The following FGD4 variants were observed in gnomAD, a reference collection of about 807,000 sequenced individuals.
FGD4 encodes the protein FYVE, RhoGEF and PH domain containing 4.
In FGD4, 42 loss-of-function variants were observed where a neutral mutation model predicts 102.0. The observed-to-expected ratio is 0.41, with a 90% CI of 0.32 to 0.53. The LOEUF is 0.53. Among genes scored for constraint, FGD4 ranks in the 20% least tolerant of loss-of-function variants. The probability of loss-of-function intolerance (pLI) is 0.21; values close to 1 mark genes in which losing one functional copy is unlikely to be tolerated. For missense variants in FGD4, 902 were observed against 1,078.2 expected (o/e 0.84, Z 2.29); for synonymous variants, 380 against 375.7 (o/e 1.01, Z -0.13).
At chr12:32,430,599 T>G (rs1591885520) in intron 1 of FGD4, among the ~76,000 whole-genome samples, 1 of 150,048 alleles carries the variant, frequency 6.7e-6, no homozygotes, top group Admixed American at 6.7e-5. Flanking sequence ...TTAAAAAAAC[T>G]GTAATGGATG....
intron 2 of FGD4, among the ~76,000 whole-genome samples, chr12:32,572,492 A>G (rs950663243): frequency 1.1e-4 from 17 of 152,178 alleles, no homozygotes; most frequent in African/African-American, 3.4e-4. Flanking sequence ...AAGGGAAAAA[A>G]ATCTAAATAA....
intron 1 of FGD4, among the ~76,000 whole-genome samples, chr12:32,472,792 C>T (rs1225294320): frequency 1.3e-5 from 2 of 152,230 alleles, no homozygotes; most frequent in Admixed American, 6.5e-5. Flanking sequence ...TTATATCTAG[C>T]TCAGGGATTG....
intron 1 of FGD4, among the ~76,000 whole-genome samples, chr12:32,554,700 C>T (rs779368864): frequency 1.3e-5 from 2 of 152,200 alleles, no homozygotes; most frequent in Non-Finnish European, 2.9e-5. Flanking sequence ...ATAGTGTGGT[C>T]AGGGTAGTCC....
chr12:32,631,028 A>G (rs1357335350), intron 14 of FGD4, among the ~76,000 whole-genome samples: 1 of 151,796 alleles, frequency 6.6e-6, no homozygotes, highest in Non-Finnish European at 1.5e-5. Context: ...TAAAAACATA[A>G]TTTTTCTGGT....
At chr12:32,634,392 A>G (rs1021444301) in intron 15 of FGD4, among the ~76,000 whole-genome samples, 4 of 152,210 alleles carry the variant, frequency 2.6e-5, no homozygotes, top group East Asian at 1.9e-4. Flanking sequence ...CTAGTTTACT[A>G]TAGTCATTTA....
intron 14 of FGD4, among the ~76,000 whole-genome samples, chr12:32,630,999 A>T (rs2136998142): frequency 6.6e-6 from 1 of 152,244 alleles, no homozygotes; most frequent in South Asian, 2.1e-4. Flanking sequence ...AAATAAAAAA[A>T]AAATTATATA....
At chr12:32,625,158 C>A in intron 13 of FGD4, 90 bp downstream of exon 13, 1 of 1,128,926 alleles carries the variant, frequency 8.9e-7, no homozygotes, top group Non-Finnish European at 1.3e-6. Flanking sequence ...CCAACCTTTT[C>A]CCTTTACAAT....
chr12:32,448,382 C>T (rs1206468039), intron 1 of FGD4, among the ~76,000 whole-genome samples: 4 of 151,866 alleles, frequency 2.6e-5, no homozygotes, highest in African/African-American at 4.8e-5. Context: ...CTTGGCTGGG[C>T]GCGGGTAGCT....
chr12:32,549,071 G>A (rs1943451437), intron 1 of FGD4, among the ~76,000 whole-genome samples: 1 of 152,224 alleles, frequency 6.6e-6, no homozygotes. Flanking sequence ...ACAATAATAT[G>A]TGGTGAAAAG....
At chr12:32,484,280 C>T (rs928464374) in intron 1 of FGD4, among the ~76,000 whole-genome samples, 2 of 152,170 alleles carry the variant, frequency 1.3e-5, no homozygotes, top group Admixed American at 1.3e-4. Context: ...CTTGTTGGTT[C>T]ATAAGCTGCA....
At chr12:32,509,369 A>G (rs1010394628) in intron 1 of FGD4, among the ~76,000 whole-genome samples, 1 of 152,024 alleles carries the variant, frequency 6.6e-6, no homozygotes, top group African/African-American at 2.4e-5. Context: ...AAGAGAATTA[A>G]TGAGAAATGT....
intron 1 of FGD4, among the ~76,000 whole-genome samples, chr12:32,410,640 A>C (rs1001273236): frequency 6.6e-6 from 1 of 152,210 alleles, no homozygotes; most frequent in Non-Finnish European, 1.5e-5. Flanking sequence ...CTTAAGCGAG[A>C]ATAGAGTGAA....
intron 1 of FGD4, among the ~76,000 whole-genome samples, chr12:32,453,237 A>ATTTTT (rs60006767): frequency 2.2e-5 from 2 of 90,548 alleles, no homozygotes; most frequent in Non-Finnish European, 4.1e-5. Flanking sequence ...ATATATATAT[A>ATTTTT]TTTTTTTTTT....
At chr12:32,448,142 C>T (rs1416944637) in intron 1 of FGD4, among the ~76,000 whole-genome samples, 1 of 152,226 alleles carries the variant, frequency 6.6e-6, no homozygotes, top group African/African-American at 2.4e-5. Context: ...CTCACTTGCT[C>T]ATTCATTCAC....
intron 1 of FGD4, among the ~76,000 whole-genome samples, chr12:32,466,919 T>C (rs1295164560): frequency 6.7e-6 from 1 of 150,164 alleles, no homozygotes; most frequent in Non-Finnish European, 1.5e-5. Flanking sequence ...CTACGGAATG[T>C]GGTACAGGCA....
intron 1 of FGD4, among the ~76,000 whole-genome samples, chr12:32,429,853 T>A (rs1941988801): frequency 6.6e-6 from 1 of 152,142 alleles, no homozygotes; most frequent in South Asian, 2.1e-4. Context: ...CATCTTGGTT[T>A]TGGTGGGTTT....
chr12:32,620,227 A>G (rs1949725010), intron 11 of FGD4, among the ~76,000 whole-genome samples: 1 of 152,176 alleles, frequency 6.6e-6, no homozygotes. Context: ...ACAAATGTTT[A>G]TTGATGCTTA....
At chr12:32,453,220 AATATAGATATATATATATTTTTTTTT>A (rs1403329679) in intron 1 of FGD4, among the ~76,000 whole-genome samples, 2 of 52,780 alleles carry the variant, frequency 3.8e-5, no homozygotes, top group Non-Finnish European at 7.3e-5. Flanking sequence ...ATATATATAT[AATATAGATATATATATATTTTTTTTT>A]TTTTAAATGT....
chr12:32,459,189 CTTTTTT>C (rs60125522), intron 1 of FGD4, among the ~76,000 whole-genome samples: 1 of 114,432 alleles, frequency 8.7e-6, no homozygotes, highest in Non-Finnish European at 1.8e-5. Flanking sequence ...TTTGACACTG[CTTTTTT>C]TTTTTTTTTT....
Sources: allele counts gnomAD v4.1 joint callset (sites outside exome capture counted in the v4.1 genomes callset), GRCh38; gene constraint gnomAD v4.1.1; transcripts MANE v1.5; gene names NCBI Gene and HGNC (gene_info 2026-07-23, HGNC 2026-07-21).